C12orf43: variants seen among roughly 807,000 people sequenced by gnomAD.
C12orf43 encodes protein CUSTOS.
A neutral mutation model predicts 20.6 loss-of-function variants in C12orf43; 15 were observed. That is an observed-to-expected ratio of 0.73 (90% CI 0.49 to 1.12). The LOEUF is 1.12. C12orf43 is among the 50% of genes most tolerant of loss of function. The probability of loss-of-function intolerance (pLI) is 0.00; values close to 1 mark genes in which losing one functional copy is unlikely to be tolerated. For synonymous variants in C12orf43, 144 were observed against 130.8 expected, an observed-to-expected ratio of 1.10 and a Z score of -0.69; for missense variants, 334 against 344.4, an observed-to-expected ratio of 0.97 and a Z score of 0.24.
At position 121,002,102 on chromosome 12, in the gene C12orf43, G is replaced by A. The variant is rs1396257548; in HGVS notation, c.*2051C>T. The A allele has an allele frequency of 1.9e-6, 1 of 533,806 alleles. No individual in the cohort carries two copies. Among genetic ancestry groups the A allele is most frequent in the East Asian group, 3.9e-5 (1 of 25,738 alleles). 33.1% of individuals were successfully genotyped at this position (533,806 alleles called of 1,614,324 possible). ...CCTTGTTTGGGGCAGGAGTAGCTGA[G>A]CTCACAAGGCAGCAAGGCCCGAGCA... On this transcript the variant is annotated 3_prime_UTR_variant, in exon 6 of 6. Transcript: ENST00000288757.
Position 121,016,310 on chromosome 12 carries a change from C to A in C12orf43, c.145+20G>T, listed in dbSNP as rs1429256179. 1.2e-6 allele frequency: 2 copies of A among 1,613,224 alleles called. No homozygotes were observed. The highest frequency in any genetic ancestry group is 2.2e-5 in the East Asian group (1 of 44,880). ...AGATCCCACGCCCCTCAGCCAGTCT[C>A]CCCAAACATAGTACCCTACCGGCTC... On this transcript the variant is annotated intron_variant, in intron 1 of 5. Transcript: ENST00000288757.
rs765558564 is a variant in C12orf43, at chr12:121,003,991, C to T, written c.*162G>A. The T allele has an allele frequency of 5.0e-6, 4 of 792,720 alleles. No individual in the cohort carries two copies. The highest frequency in any genetic ancestry group is 4.1e-6 in the Non-Finnish European group (2 of 484,710). 49.1% of individuals were successfully genotyped at this position (792,720 alleles called of 1,614,324 possible). A position where few individuals can be genotyped will look rare whatever the true frequency, so the allele number is the denominator to read the frequency against. On this transcript the variant is annotated 3_prime_UTR_variant, in exon 6 of 6. Transcript: ENST00000288757. ...ACAGCCACTTTTTTGGCCCAACTCTCGAGCAAGCCTTCATCACCATCAGGG... is the reference window on the plus strand; with the variant it reads ...ACAGCCACTTTTTTGGCCCAACTCTTGAGCAAGCCTTCATCACCATCAGGG...
chr12:121,004,554 G>A lies in C12orf43; in HGVS notation c.453-65C>T, dbSNP rs561495400. ...GGACACAGCCCCAGAGCTGCCTCTCGCTGTCCTCCCTTGGTCCAGGTCACC... is the reference window on the plus strand; with the variant it reads ...GGACACAGCCCCAGAGCTGCCTCTCACTGTCCTCCCTTGGTCCAGGTCACC... On this transcript the variant is annotated intron_variant, in intron 5 of 5. Transcript: ENST00000288757. The surrounding 1 kb of genome is among the most constrained non-coding windows in gnomAD (Gnocchi z 5.6). 4.9e-5 allele frequency: 72 copies of A among 1,468,326 alleles called. 2 individuals are homozygous for A. Among genetic ancestry groups the A allele is most frequent in the African/African-American group, 4.5e-4 (32 of 71,298 alleles). The allele number at this position is 1,468,326 out of a possible 1,614,324, so 91.0% of individuals were successfully genotyped here.
chr12:121,010,489 G>T lies in C12orf43; in HGVS notation c.287+339C>A, dbSNP rs556653810. 2.2e-4 allele frequency among the ~76,000 whole-genome samples: 34 copies of T among 152,300 alleles called. 1 individual carries two copies. In the South Asian group the frequency reaches 6.6e-3, roughly 30 times the overall value. Reference sequence around the variant, plus strand: ...CATCTGTACAGTGGGAATGATAACAGTCCCTACCTCTCAGGGTCATCAGAA... The same window carrying T: ...CATCTGTACAGTGGGAATGATAACATTCCCTACCTCTCAGGGTCATCAGAA... On this transcript the variant is annotated intron_variant, in intron 3 of 5. Coordinates refer to ENST00000288757, the MANE Select transcript of C12orf43 (RefSeq NM_022895.3).
Position 121,004,242 on chromosome 12 carries a change from C to G in C12orf43, c.700G>C (p.Gly234Arg), listed in dbSNP as rs370506799. The change falls in exon 6 of 6, where the codon GGG becomes CGG. Residue 234 changes from glycine (G) to arginine (R), a missense_variant. Coordinates refer to ENST00000288757, the MANE Select transcript of C12orf43 (RefSeq NM_022895.3). This position sits in a 1 kb window ranked among gnomAD's most constrained non-coding sequence, Gnocchi z 5.6. ...GELNGDQVSL[G>R]TKKKKKAKKA... is the part of the protein sequence containing the mutation. ...TTTGCCTTTTTCTTCTTTTTGGTCCCAAGCGACACCTGGTCCCCGTTGAGC... is the reference window on the plus strand; with the variant it reads ...TTTGCCTTTTTCTTCTTTTTGGTCCGAAGCGACACCTGGTCCCCGTTGAGC... The G allele has an allele frequency of 1.9e-6, 3 of 1,614,216 alleles. No homozygotes were observed. The highest frequency in any genetic ancestry group is 2.5e-6 in the Non-Finnish European group (3 of 1,180,034).
chr12:121,007,361 C>G (rs2078047123), intron 3 of C12orf43: 1 of 152,158 alleles, frequency 6.6e-6, no homozygotes, highest in South Asian at 2.1e-4. Context: ...ACTTCAGAGA[C>G]CTGGGTTTTG....
chr12:121,015,833 C>A lies in C12orf43; in HGVS notation c.145+497G>T, dbSNP rs1199501383. ...AGATGAATAGAAAGCAAAGATGCAA[C>A]ATGTTTTCATTCCAAATTCAAGAAC... On this transcript the variant is annotated intron_variant, in intron 1 of 5. Coordinates refer to ENST00000288757, the MANE Select transcript of C12orf43 (RefSeq NM_022895.3). Among the ~76,000 whole-genome samples, 3 of 152,220 alleles carry A rather than the reference C, an allele frequency of 2.0e-5. No homozygotes were observed. The East Asian group carries it at 5.8e-4, about 29-fold the overall frequency.
chr12:121,011,380 G>C (rs1191502095), intron 1 of C12orf43, among the ~76,000 whole-genome samples: 2 of 146,414 alleles, frequency 1.4e-5, no homozygotes, highest in South Asian at 4.3e-4. Context: ...CATATTTTAT[G>C]TAAGTACATT....
At chr12:121,006,022 GC>G (rs1432456941) in intron 4 of C12orf43, 1 of 291,324 alleles carries the variant, frequency 3.4e-6, no homozygotes, top group Non-Finnish European at 6.5e-6. Flanking sequence ...TTCAAGACCA[GC>G]CTGGGCAACA....
rs1375915219 is a variant in C12orf43 at position 121,003,125 on chromosome 12, C to G, written c.*1028G>C. Reference sequence around the variant, plus strand: ...CACTGCAACCTGCACCTCCTGGGTTCAAGCGATTCTCCCACCTCAGCCTCC... The same window carrying G: ...CACTGCAACCTGCACCTCCTGGGTTGAAGCGATTCTCCCACCTCAGCCTCC... On this transcript the variant is annotated 3_prime_UTR_variant, in exon 6 of 6. Coordinates refer to ENST00000288757, the MANE Select transcript of C12orf43 (RefSeq NM_022895.3). 2 of 150,280 alleles carry G rather than the reference C, an allele frequency of 1.3e-5. No individual in the cohort carries two copies. Among genetic ancestry groups the G allele is most frequent in the African/African-American group, 4.9e-5 (2 of 40,816 alleles). 9.3% of individuals were successfully genotyped at this position (150,280 alleles called of 1,614,324 possible).
chr12:121,014,778 A>C (rs1488383224), intron 1 of C12orf43, among the ~76,000 whole-genome samples: 1 of 152,118 alleles, frequency 6.6e-6, no homozygotes, highest in Non-Finnish European at 1.5e-5. Context: ...CAGGAGTTCG[A>C]GACCAGCCTG....
chr12:121,011,606 A>G (rs1878478250), intron 1 of C12orf43, among the ~76,000 whole-genome samples: 1 of 152,190 alleles, frequency 6.6e-6, no homozygotes, highest in African/African-American at 2.4e-5. Context: ...TTGCAGAAGA[A>G]ACGTCAAAGA....
At position 121,006,819 on chromosome 12, in the gene C12orf43, C is replaced by G. The variant is rs188651791; in HGVS notation, c.288-425G>C. The G allele has an allele frequency of 2.1e-3, 344 of 165,470 alleles. 3 individuals carry two copies. The highest frequency in any genetic ancestry group is 7.8e-3 in the African/African-American group (326 of 41,762). The allele number at this position is 165,470 out of a possible 1,614,324, so 10.3% of individuals were successfully genotyped here. A position where few individuals can be genotyped will look rare whatever the true frequency, so the allele number is the denominator to read the frequency against. On this transcript the variant is annotated intron_variant, in intron 3 of 5. Transcript: ENST00000288757. ...GGGCATGGTGGCGGGCGCCTGTAGT[C>G]CCAGCTACTCGGGAGGCTGAGGCAG...
Position 121,003,030 on chromosome 12 carries a change from TC to T in C12orf43, c.*1122del, listed in dbSNP as rs140730081. 0.31 allele frequency: 42,648 copies of T among 138,598 alleles called. 7,557 individuals carry two copies. The highest frequency in any genetic ancestry group is 0.55 in the Middle Eastern group (141 of 256). The allele number at this position is 138,598 out of a possible 1,614,324, so 8.6% of individuals were successfully genotyped here. A position where few individuals can be genotyped will look rare whatever the true frequency, so the allele number is the denominator to read the frequency against. ...CTTCTACTTCTTTTCTTTTTCTTTTTCTTTTTTTTTTTTTGAGATAGGGTCT... is the reference window on the plus strand; with the variant it reads ...CTTCTACTTCTTTTCTTTTTCTTTTTTTTTTTTTTTTTTGAGATAGGGTCT... On this transcript the variant is annotated 3_prime_UTR_variant, in exon 6 of 6. Transcript: ENST00000288757.
chr12:121,000,971 C>G lies in C12orf43; in HGVS notation c.*3182G>C, dbSNP rs1359949190. 2 of 1,537,442 alleles carry G rather than the reference C, an allele frequency of 1.3e-6. No individual in the cohort carries two copies. Among genetic ancestry groups the G allele is most frequent in the African/African-American group, 2.7e-5 (2 of 73,858 alleles). On this transcript the variant is annotated 3_prime_UTR_variant, in exon 6 of 6. Coordinates refer to ENST00000288757, the MANE Select transcript of C12orf43 (RefSeq NM_022895.3). Reference sequence around the variant, plus strand: ...ATCTGCTGTGATCCAGGAGGTGTGGCCCTGCCTCCCCATCCTGAGTACCCC... The same window carrying G: ...ATCTGCTGTGATCCAGGAGGTGTGGGCCTGCCTCCCCATCCTGAGTACCCC...
rs10636003 is a variant in C12orf43, at chr12:121,012,849, T to TAAAAAAAAAAAAAA, written c.146-1717_146-1704dup. ...CCTGGTGACAGAGCAAGACTCCGTC[T>TAAAAAAAAAAAAAA]AAAAAAAAAAAAAAAAAAAAAAAAA... is the stretch of plus-strand genomic sequence containing the variant. On this transcript the variant is annotated intron_variant, in intron 1 of 5. Transcript: ENST00000288757. 9.4e-3 allele frequency among the ~76,000 whole-genome samples: 859 copies of TAAAAAAAAAAAAAA among 91,808 alleles called. 45 individuals are homozygous for TAAAAAAAAAAAAAA. Among genetic ancestry groups the TAAAAAAAAAAAAAA allele is most frequent in the Admixed American group, 0.013 (106 of 8,450 alleles). 60.2% of individuals were successfully genotyped at this position (91,808 alleles called of 152,430 possible). A position where few individuals can be genotyped will look rare whatever the true frequency, so the allele number is the denominator to read the frequency against.
chr12:121,010,952 C>A (rs1315914471), intron 2 of C12orf43, 26 bp from the exon 3 acceptor site: 2 of 1,612,932 alleles, frequency 1.2e-6, no homozygotes, highest in African/African-American at 2.7e-5. Context: ...AGAGACCTCA[C>A]TTCCTGCCCG....
At position 121,001,232 on chromosome 12, in the gene C12orf43, G is replaced by T. The variant is rs78184916; in HGVS notation, c.*2921C>A. 1.1e-5 allele frequency: 17 copies of T among 1,611,248 alleles called. No homozygotes were observed. In the East Asian group the frequency reaches 1.8e-4, roughly 17 times the overall value. On this transcript the variant is annotated 3_prime_UTR_variant, in exon 6 of 6. Coordinates refer to ENST00000288757, the MANE Select transcript of C12orf43 (RefSeq NM_022895.3). ...CCCTGGGGCCTGTACTGCCTGCTTG[G>T]GGGGTGATGAGGGCAGCAGCCAGCC...
In C12orf43 at chr12:121,005,120, C is replaced by G; in HGVS notation, c.362-27G>C. ...TAAGATTCAATGGGGCAGAGTCAAA[C>G]AAAAACAAAACAAAACAAAAAGAAA... is the stretch of plus-strand genomic sequence containing the variant. On this transcript the variant is annotated intron_variant, in intron 4 of 5. Coordinates refer to ENST00000288757, the MANE Select transcript of C12orf43 (RefSeq NM_022895.3). The surrounding 1 kb of genome is among the most constrained non-coding windows in gnomAD (Gnocchi z 5.6). 2.8e-6 allele frequency: 3 copies of G among 1,078,378 alleles called. No homozygotes were observed. The highest frequency in any genetic ancestry group is 3.6e-6 in the Non-Finnish European group (3 of 831,456). 66.8% of individuals were successfully genotyped at this position (1,078,378 alleles called of 1,614,324 possible). A position where few individuals can be genotyped will look rare whatever the true frequency, so the allele number is the denominator to read the frequency against.
Sources: gnomAD v4.1 joint callset for allele counts (sites outside exome capture counted in the v4.1 genomes callset) on GRCh38, gnomAD v4.1.1 for gene constraint, Gnocchi (gnomAD v3.1) non-coding constraint, MANE v1.5 for transcripts, NCBI Gene and HGNC (gene_info 2026-07-23, HGNC 2026-07-21) for gene names.